The following HS6ST3 variants were observed in gnomAD, a reference collection of about 807,000 sequenced individuals.
HS6ST3 encodes heparan sulfate 6-O-sulfotransferase 3.
HS6ST3 carries 12 observed loss-of-function variants against 36.7 expected under a neutral mutation model. The observed-to-expected ratio is 0.33, with a 90% confidence interval of 0.21 to 0.53. The LOEUF is 0.53. Among genes scored for constraint, HS6ST3 ranks in the 20% least tolerant of loss-of-function variants. HS6ST3 has a pLI of 0.95. For synonymous variants in HS6ST3, 240 were observed against 257.5 expected (o/e 0.93, Z 0.65); for missense variants, 584 against 640.9 (o/e 0.91, Z 0.96).
chr13:96,720,162 T>C (rs527300677), intron 1 of HS6ST3, among the ~76,000 whole-genome samples: 2 of 152,244 alleles, frequency 1.3e-5, no homozygotes, highest in African/African-American at 4.8e-5. Context: ...GCCTGCAATG[T>C]ATATAGGCTC....
chr13:96,202,526 T>C (rs1289177935), intron 1 of HS6ST3, among the ~76,000 whole-genome samples: 1 of 152,186 alleles, frequency 6.6e-6, no homozygotes, highest in Non-Finnish European at 1.5e-5. Context: ...CCTGTGATCA[T>C]TTGTGCTTCA....
chr13:96,270,949 G>A lies in HS6ST3; in HGVS notation c.707+179380G>A, dbSNP rs752326. ...ACTTTCAGAGCTCAACTCAAGTACC[G>A]TTTCTTCCAAGTCTTTAGGAAGTTT... On this transcript the variant is annotated intron_variant, in intron 1 of 1. Coordinates refer to ENST00000376705, the MANE Select transcript of HS6ST3 (RefSeq NM_153456.4). Among the ~76,000 whole-genome samples, 1,368 of 151,904 alleles carry A rather than the reference G, an allele frequency of 9.0e-3. 37 individuals carry two copies. Among genetic ancestry groups the A allele is most frequent in the African/African-American group, 0.031 (1,296 of 41,310 alleles).
At position 96,835,667 on chromosome 13, in the gene HS6ST3, A is replaced by T; in HGVS notation, c.*2469A>T. 1 of 151,936 alleles carries T rather than the reference A, an allele frequency of 6.6e-6. No homozygotes were observed. Among genetic ancestry groups the T allele is most frequent in the East Asian group, 1.9e-4 (1 of 5,184 alleles). The allele number at this position is 151,936 out of a possible 1,614,324, so 9.4% of individuals were successfully genotyped here. ...CCAGTGTTTTGTCATGTGGAAAATC[A>T]AAACAAGTTAGAAAGCATTCAGATT... On this transcript the variant is annotated 3_prime_UTR_variant, in exon 2 of 2. Coordinates refer to ENST00000376705, the MANE Select transcript of HS6ST3 (RefSeq NM_153456.4).
chr13:96,687,841 C>T (rs1291288421), intron 1 of HS6ST3, among the ~76,000 whole-genome samples: 1 of 152,070 alleles, frequency 6.6e-6, no homozygotes, highest in African/African-American at 2.4e-5. Context: ...TCTCACTAAA[C>T]ACTGGCTAAA....
At chr13:96,666,619 C>T (rs2056665067) in intron 1 of HS6ST3, among the ~76,000 whole-genome samples, 1 of 152,058 alleles carries the variant, frequency 6.6e-6, no homozygotes, top group South Asian at 2.1e-4. Context: ...CATATTACAG[C>T]AACACGTTGA....
At chr13:96,535,172 G>A (rs2056150377) in intron 1 of HS6ST3, among the ~76,000 whole-genome samples, 1 of 152,116 alleles carries the variant, frequency 6.6e-6, no homozygotes, top group Non-Finnish European at 1.5e-5. Flanking sequence ...CCAGGAATGG[G>A]ACATGAAGGA....
intron 1 of HS6ST3, among the ~76,000 whole-genome samples, chr13:96,263,596 A>T (rs1296862697): frequency 6.6e-6 from 1 of 152,206 alleles, no homozygotes; most frequent in Non-Finnish European, 1.5e-5. Flanking sequence ...TGGGTGGAAA[A>T]TTATTCAAGA....
intron 1 of HS6ST3, among the ~76,000 whole-genome samples, chr13:96,726,945 C>T (rs1311551627): frequency 1.3e-5 from 2 of 152,084 alleles, no homozygotes; most frequent in Non-Finnish European, 2.9e-5. Context: ...GTAGATAGGT[C>T]TGGATTCATG....
intron 1 of HS6ST3, among the ~76,000 whole-genome samples, chr13:96,719,286 A>C (rs1398150603): frequency 2.0e-5 from 3 of 151,630 alleles, no homozygotes; most frequent in Non-Finnish European, 2.9e-5. Context: ...AAAAAAAAAA[A>C]CCAAAAAAAG....
intron 1 of HS6ST3, among the ~76,000 whole-genome samples, chr13:96,347,191 C>T (rs182936019): frequency 3.9e-5 from 6 of 152,196 alleles, no homozygotes; most frequent in East Asian, 1.9e-4. Context: ...GATAATAAGC[C>T]GGAACTGTTT....
intron 1 of HS6ST3, among the ~76,000 whole-genome samples, chr13:96,624,271 G>C (rs1409684943): frequency 1.3e-5 from 2 of 151,998 alleles, no homozygotes; most frequent in Non-Finnish European, 2.9e-5. Flanking sequence ...CCTGACCACA[G>C]AATTTTTACT....
chr13:96,450,572 C>T (rs2055722775), intron 1 of HS6ST3, among the ~76,000 whole-genome samples: 1 of 152,164 alleles, frequency 6.6e-6, no homozygotes, highest in African/African-American at 2.4e-5. Context: ...GGCCATCTCT[C>T]TTTCATTCTT....
At chr13:96,793,353 A>G (rs1877835324) in intron 1 of HS6ST3, among the ~76,000 whole-genome samples, 1 of 152,016 alleles carries the variant, frequency 6.6e-6, no homozygotes, top group Admixed American at 6.6e-5. Context: ...AGCATCCATT[A>G]CCATTGCTTC....
chr13:96,259,932 TG>T (rs2054655778), intron 1 of HS6ST3, among the ~76,000 whole-genome samples: 1 of 152,160 alleles, frequency 6.6e-6, no homozygotes. Flanking sequence ...AACCATGATT[TG>T]GGTATGTAGC....
At chr13:96,453,319 GT>G (rs540731022) in intron 1 of HS6ST3, among the ~76,000 whole-genome samples, 289 of 152,042 alleles carry the variant, frequency 1.9e-3, no homozygotes, top group Admixed American at 3.9e-3. Flanking sequence ...TAAGTAATTT[GT>G]TATCCCTCAC....
intron 1 of HS6ST3, among the ~76,000 whole-genome samples, chr13:96,592,705 A>G (rs887288658): frequency 1.2e-4 from 19 of 152,154 alleles, no homozygotes; most frequent in African/African-American, 4.3e-4. Flanking sequence ...TGGATATACT[A>G]TTTTAGGGTA....
intron 1 of HS6ST3, among the ~76,000 whole-genome samples, chr13:96,733,250 A>G (rs946505213): frequency 1.3e-5 from 2 of 152,198 alleles, no homozygotes; most frequent in Admixed American, 6.5e-5. Flanking sequence ...CCCATTGAGT[A>G]TGATGTTAGT....
intron 1 of HS6ST3, among the ~76,000 whole-genome samples, chr13:96,147,233 A>G (rs1299727844): frequency 6.6e-6 from 1 of 152,182 alleles, no homozygotes; most frequent in Non-Finnish European, 1.5e-5. Flanking sequence ...ATCCACTTTC[A>G]TTAATAAATT....
rs1292374635 is a variant in HS6ST3, at chr13:96,339,061, T to C, written c.707+247492T>C. On this transcript the variant is annotated intron_variant, in intron 1 of 1. Coordinates refer to ENST00000376705, the MANE Select transcript of HS6ST3 (RefSeq NM_153456.4). Reference sequence around the variant, plus strand: ...TGTTGTGCTTACCAAGGATGAAATATTAGGGAAATAGGGAAAATTTAGGAC... The same window carrying C: ...TGTTGTGCTTACCAAGGATGAAATACTAGGGAAATAGGGAAAATTTAGGAC... Among the ~76,000 whole-genome samples the C allele has an allele frequency of 2.6e-5, 4 of 152,036 alleles. 1 individual carries two copies. The highest frequency in any genetic ancestry group is 9.7e-5 in the African/African-American group (4 of 41,378).
Sources: gnomAD v4.1 joint callset for allele counts (sites outside exome capture counted in the v4.1 genomes callset) on GRCh38, gnomAD v4.1.1 for gene constraint, MANE v1.5 for transcripts, NCBI Gene and HGNC (gene_info 2026-07-23, HGNC 2026-07-21) for gene names.